LDB3: variants seen among roughly 807,000 people sequenced by gnomAD.
The protein encoded by LDB3 is LIM domain binding 3, also known as LIM domain-binding protein 3.
LDB3 carries 49 observed loss-of-function variants against 69.0 expected under a neutral mutation model. The ratio of observed to expected loss-of-function variants is 0.71; its 90% CI spans 0.56 to 0.90. The LOEUF (loss-of-function observed/expected upper bound fraction) is 0.90. Among genes scored for constraint, LDB3 ranks in the 40% least tolerant of loss-of-function variants. The pLI, the probability that LDB3 is intolerant of heterozygous loss-of-function variation, is 0.00. For missense variants in LDB3, 928 were observed against 974.1 expected (o/e 0.95, Z 0.63); for synonymous variants, 387 against 396.2 (o/e 0.98, Z 0.28).
chr10:86,723,233 G>T (rs1301555381), intron 12 of LDB3, among the ~76,000 whole-genome samples: 1 of 126,882 alleles, frequency 7.9e-6, no homozygotes, highest in Non-Finnish European at 1.6e-5. Context: ...CCACATCATT[G>T]CACTCCATCC....
At chr10:86,724,819 T>C (rs1393904085) in intron 12 of LDB3, among the ~76,000 whole-genome samples, 4 of 152,078 alleles carry the variant, frequency 2.6e-5, no homozygotes, top group African/African-American at 9.7e-5. Flanking sequence ...TTCACTTACA[T>C]TATCTTATTT....
chr10:86,670,370 A>G (rs1844399305), intron 2 of LDB3, among the ~76,000 whole-genome samples: 1 of 152,116 alleles, frequency 6.6e-6, no homozygotes, highest in Non-Finnish European at 1.5e-5. Context: ...CCATGCTTGC[A>G]GGACTCCTTC....
At position 86,679,920 on chromosome 10, in the gene LDB3, C is replaced by T. The variant is rs75738068; in HGVS notation, c.246-162C>T. ...GGGCCCAGGGCCTTCTTGGGGAGAT[C>T]CAGCCCATGGGGTGGACAGTGGATC... On this transcript the variant is annotated intron_variant, in intron 3 of 13. Coordinates refer to ENST00000361373, the MANE Select transcript of LDB3 (RefSeq NM_007078.3). Among the ~76,000 whole-genome samples the T allele has an allele frequency of 0.017, 2,534 of 152,322 alleles. 93 individuals carry two copies. Among genetic ancestry groups the T allele is most frequent in the African/African-American group, 0.058 (2,430 of 41,572 alleles).
chr10:86,710,056 A>G lies in LDB3; in HGVS notation c.1231+6A>G, dbSNP rs1234404667. On this transcript the variant is annotated splice_donor_region_variant and intron_variant, in intron 9 of 13. Transcript: ENST00000361373. ...GCCTTCTGTCTACCAGCCAGGTAAG[A>G]GGCAGAGCAGGAGGGGAGGCTGTCG... 1.9e-6 allele frequency: 3 copies of G among 1,612,246 alleles called. No homozygotes were observed. The highest frequency in any genetic ancestry group is 2.5e-6 in the Non-Finnish European group (3 of 1,179,960).
At position 86,681,603 on chromosome 10, in the gene LDB3, T is replaced by G; in HGVS notation, c.489T>G (p.Pro163=). ...SSLAEASDPG[P]PRASLRAKTS... is the part of the protein sequence containing the mutation. ...TCGCCGAGGCCTCTGACCCTGGCCC[T>G]CCGCGGGCCAGCCTGAGGGCCAAGA... is the stretch of plus-strand genomic sequence containing the variant. The change falls in exon 5 of 14, where the codon CCT becomes CCG. Residue 163 remains proline, a synonymous_variant. Transcript: ENST00000361373. The G allele has an allele frequency of 6.2e-7, 1 of 1,612,852 alleles. No homozygotes were observed. Among genetic ancestry groups the G allele is most frequent in the Non-Finnish European group, 8.5e-7 (1 of 1,179,722 alleles).
Position 86,732,966 on chromosome 10 carries a change from T to C in LDB3, c.2174T>C (p.Ile725Thr), listed in dbSNP as rs748399477. 9 of 1,613,428 alleles carry C rather than the reference T, an allele frequency of 5.6e-6. No individual in the cohort carries two copies. In the South Asian group the frequency reaches 8.8e-5, roughly 16 times the overall value. Residue 725 changes from isoleucine (I) to threonine (T), a missense_variant, in exon 14 of 14, where the codon ATC becomes ACC. Ile to Thr is a moderately conservative substitution (Grantham distance 89, BLOSUM62 -1). Coordinates refer to ENST00000361373, the MANE Select transcript of LDB3 (RefSeq NM_007078.3). ...RPLCKKHAHT[I>T]NL ...CTGTGCAAGAAGCACGCACACACCA[T>C]CAACTTGTAGGCGGCCAAGGCCGCC...
chr10:86,674,302 G>A (rs12771857), intron 2 of LDB3, among the ~76,000 whole-genome samples: 3 of 152,074 alleles, frequency 2.0e-5, no homozygotes, highest in Non-Finnish European at 4.4e-5. Context: ...ACACTGGAGG[G>A]CTTGGAGGCT....
intron 13 of LDB3, 48 bp downstream of exon 13, chr10:86,726,300 G>A: frequency 6.8e-7 from 1 of 1,469,584 alleles, no homozygotes. Flanking sequence ...AGGCAGGAGG[G>A]AGGAAGTGGG....
Position 86,668,759 on chromosome 10 carries a change from T to C in LDB3, c.68T>C (p.Phe23Ser). The part of the protein sequence containing the change: ...WGFRLQGGKD[F>S]NMPLTISRIT... Reference sequence around the variant, plus strand: ...TTCCGTCTGCAGGGGGGCAAGGACTTCAACATGCCCCTCACTATCTCCCGG... The same window carrying C: ...TTCCGTCTGCAGGGGGGCAAGGACTCCAACATGCCCCTCACTATCTCCCGG... The change falls in exon 2 of 14, where the codon TTC becomes TCC. Residue 23 changes from phenylalanine (F) to serine (S), a missense_variant. Phe to Ser is a radical substitution (Grantham distance 155). Coordinates refer to ENST00000361373, the MANE Select transcript of LDB3 (RefSeq NM_007078.3). 2 of 1,613,168 alleles carry C rather than the reference T, an allele frequency of 1.2e-6. No homozygotes were observed. The highest frequency in any genetic ancestry group is 2.2e-5 in the South Asian group (2 of 91,080).
intron 13 of LDB3, among the ~76,000 whole-genome samples, chr10:86,727,728 G>A (rs953654889): frequency 6.6e-6 from 1 of 152,102 alleles, no homozygotes; most frequent in African/African-American, 2.4e-5. Context: ...GCTTGCAGCT[G>A]TGTAACTCCA....
chr10:86,680,295 G>T, intron 4 of LDB3, 138 bp downstream of exon 4: 1 of 765,828 alleles, frequency 1.3e-6, no homozygotes, highest in Non-Finnish European at 2.2e-6. Context: ...TGCCCCTGCT[G>T]CAGCTGACCC....
intron 7 of LDB3, among the ~76,000 whole-genome samples, chr10:86,696,321 C>CT (rs137917288): frequency 0.15 from 22,410 of 152,200 alleles, 2,259 homozygotes; most frequent in African/African-American, 0.27. Context: ...AATTACCTCT[C>CT]TTTTTTGGAT....
intron 7 of LDB3, among the ~76,000 whole-genome samples, chr10:86,694,444 G>T (rs963745246): frequency 6.6e-6 from 1 of 152,134 alleles, no homozygotes; most frequent in Non-Finnish European, 1.5e-5. Context: ...GGGGAAGAGG[G>T]CCTGGGAAGT....
chr10:86,697,549 C>CTTTTTTT (rs71019409), intron 7 of LDB3, among the ~76,000 whole-genome samples: 54 of 83,928 alleles, frequency 6.4e-4, no homozygotes, highest in East Asian at 8.1e-4. Context: ...TTCTTTCTTT[C>CTTTTTTT]TTTTTTTTTT....
At chr10:86,728,488 A>G (rs1222302566) in intron 13 of LDB3, among the ~76,000 whole-genome samples, 1 of 152,176 alleles carries the variant, frequency 6.6e-6, no homozygotes, top group Non-Finnish European at 1.5e-5. Context: ...ACTGCCCTTT[A>G]GAGGATCAAC....
chr10:86,725,628 G>A (rs1167433155), intron 12 of LDB3, among the ~76,000 whole-genome samples: 2 of 152,180 alleles, frequency 1.3e-5, no homozygotes, highest in Non-Finnish European at 2.9e-5. Flanking sequence ...TAGGGAAGGA[G>A]GAGGAGGACA....
chr10:86,671,552 G>A (rs1844475499), intron 2 of LDB3, among the ~76,000 whole-genome samples: 1 of 151,958 alleles, frequency 6.6e-6, no homozygotes, highest in Non-Finnish European at 1.5e-5. Flanking sequence ...GGCTGGGCCT[G>A]CAACATGAGC....
At chr10:86,679,544 G>C in intron 3 of LDB3, 26 bp downstream of exon 3, 1 of 1,613,028 alleles carries the variant, frequency 6.2e-7, no homozygotes, top group East Asian at 2.2e-5. Context: ...CCAGAGCAGG[G>C]GGCGGAGGTT....
chr10:86,715,332 G>C (rs1040542463), intron 9 of LDB3, among the ~76,000 whole-genome samples: 1 of 152,230 alleles, frequency 6.6e-6, no homozygotes, highest in Non-Finnish European at 1.5e-5. Flanking sequence ...GAGGCTTCTG[G>C]AACCTCACTC....
Sources: gnomAD v4.1 joint callset for allele counts (sites outside exome capture counted in the v4.1 genomes callset) on GRCh38, gnomAD v4.1.1 for gene constraint, MANE v1.5 for transcripts, NCBI Gene and HGNC (gene_info 2026-07-23, HGNC 2026-07-21) for gene names.